MECOM: variants seen among roughly 807,000 people sequenced by gnomAD.
MECOM encodes the protein MDS1 and EVI1 complex locus, also known as histone-lysine N-methyltransferase MECOM.
A neutral mutation model predicts 116.3 loss-of-function variants in MECOM; 13 were observed. The observed-to-expected ratio is 0.11, with a 90% CI of 0.07 to 0.18. The LOEUF is 0.18. Ranked by LOEUF, MECOM falls within the 10% of genes least tolerant of loss-of-function variation. The pLI is 1.00. For missense variants in MECOM, 1,299 were observed against 1,509.0 expected, an observed-to-expected ratio of 0.86 and a Z score of 2.31; for synonymous variants, 528 against 535.2, an observed-to-expected ratio of 0.99 and a Z score of 0.19.
intron 2 of MECOM, among the ~76,000 whole-genome samples, chr3:169,290,119 A>G (rs752578874): frequency 3.3e-5 from 5 of 152,174 alleles, no homozygotes; most frequent in African/African-American, 4.8e-5. Flanking sequence ...GAGAGAATAG[A>G]TGCTTTAATA....
intron 2 of MECOM, among the ~76,000 whole-genome samples, chr3:169,165,423 T>C (rs1037311648): frequency 6.6e-6 from 1 of 152,148 alleles, no homozygotes; most frequent in Non-Finnish European, 1.5e-5. Context: ...GTCTATGTTT[T>C]TCATCACTAG....
intron 2 of MECOM, among the ~76,000 whole-genome samples, chr3:169,153,893 C>T (rs55692737): frequency 0.07 from 10,701 of 152,158 alleles, 483 homozygotes; most frequent in South Asian, 0.19. Context: ...GTTTGTGTAA[C>T]GGGTTACAGT....
chr3:169,099,129 AACC>A (rs1440978487), intron 12 of MECOM, among the ~76,000 whole-genome samples: 3 of 85,412 alleles, frequency 3.5e-5, no homozygotes, highest in Non-Finnish European at 5.7e-5. Flanking sequence ...AAAAAAAAAA[AACC>A]CAGAGGGGCT....
chr3:169,429,783 A>AATG (rs1313939657), intron 1 of MECOM, among the ~76,000 whole-genome samples: 1 of 152,154 alleles, frequency 6.6e-6, no homozygotes, highest in Non-Finnish European at 1.5e-5. Context: ...AAATAGAGTC[A>AATG]ATGATATTAC....
chr3:169,097,878 T>C (rs1444031510), intron 12 of MECOM, among the ~76,000 whole-genome samples: 1 of 148,090 alleles, frequency 6.8e-6, no homozygotes, highest in African/African-American at 2.5e-5. Context: ...GGTCTACTGG[T>C]ATTTATCTTT....
chr3:169,503,184 C>T (rs553404200), intron 1 of MECOM, among the ~76,000 whole-genome samples: 2 of 152,192 alleles, frequency 1.3e-5, no homozygotes, highest in South Asian at 2.1e-4. Flanking sequence ...AACCAAAAAA[C>T]GATTAAAACT....
chr3:169,146,424 A>G, intron 2 of MECOM: 2 of 1,391,884 alleles, frequency 1.4e-6, no homozygotes, highest in African/African-American at 2.9e-5. Context: ...AGGGAGGGGA[A>G]GGAGGAGAAG....
At chr3:169,220,926 A>G (rs1560010410) in intron 2 of MECOM, among the ~76,000 whole-genome samples, 2 of 152,226 alleles carry the variant, frequency 1.3e-5, no homozygotes, top group Non-Finnish European at 2.9e-5. Flanking sequence ...CTTAAAAATC[A>G]TTTGCTAAAT....
At chr3:169,485,261 C>T (rs1203086509) in intron 1 of MECOM, among the ~76,000 whole-genome samples, 1 of 152,234 alleles carries the variant, frequency 6.6e-6, no homozygotes, top group African/African-American at 2.4e-5. Flanking sequence ...TCCCAAAGTG[C>T]TAGGATTACA....
At chr3:169,364,922 A>G (rs1391293048) in intron 2 of MECOM, among the ~76,000 whole-genome samples, 1 of 152,080 alleles carries the variant, frequency 6.6e-6, no homozygotes, top group East Asian at 1.9e-4. Flanking sequence ...CCTGGCTTGC[A>G]TAATGTGTCA....
At chr3:169,264,538 C>T (rs1758023622) in intron 2 of MECOM, among the ~76,000 whole-genome samples, 1 of 151,996 alleles carries the variant, frequency 6.6e-6, no homozygotes, top group South Asian at 2.1e-4. Flanking sequence ...CCATATGGAG[C>T]CACAGAATGC....
chr3:169,601,774 CACA>C (rs1391358838), intron 1 of MECOM, among the ~76,000 whole-genome samples: 5 of 152,152 alleles, frequency 3.3e-5, no homozygotes, highest in Non-Finnish European at 5.9e-5. Context: ...ATGCAAAAGA[CACA>C]AGTAACACTG....
intron 1 of MECOM, among the ~76,000 whole-genome samples, chr3:169,621,833 G>T (rs935153192): frequency 1.3e-5 from 2 of 152,100 alleles, no homozygotes; most frequent in Non-Finnish European, 2.9e-5. Flanking sequence ...TCAATAAATA[G>T]GTGCCCAGAA....
chr3:169,542,108 A>T lies in MECOM; in HGVS notation c.37+121228T>A, dbSNP rs191701895. On this transcript the variant is annotated intron_variant, in intron 1 of 16. Transcript: ENST00000651503. Reference sequence around the variant, plus strand: ...CATTGTAAAGAAATCCCCACCAGAGACCTCTGAAATCTTACATTGATTGAG... The same window carrying T: ...CATTGTAAAGAAATCCCCACCAGAGTCCTCTGAAATCTTACATTGATTGAG... 3.1e-4 allele frequency among the ~76,000 whole-genome samples: 47 copies of T among 152,304 alleles called. 1 individual carries two copies. The highest frequency in any genetic ancestry group is 6.8e-3 in the Middle Eastern group (2 of 294).
chr3:169,458,915 G>A (rs948308943), intron 1 of MECOM, among the ~76,000 whole-genome samples: 1 of 152,178 alleles, frequency 6.6e-6, no homozygotes, highest in Non-Finnish European at 1.5e-5. Flanking sequence ...AGTTTAATAT[G>A]ATGAATCATG....
chr3:169,468,921 A>G (rs939186750), intron 1 of MECOM, among the ~76,000 whole-genome samples: 13 of 152,338 alleles, frequency 8.5e-5, no homozygotes, highest in Admixed American at 2.0e-4. Context: ...GCAGACCTTC[A>G]TAATTCCATT....
intron 1 of MECOM, among the ~76,000 whole-genome samples, chr3:169,432,052 T>C (rs1291647362): frequency 6.6e-6 from 1 of 152,060 alleles, no homozygotes. Context: ...ACAAACTGAC[T>C]GTAGGCCAGA....
chr3:169,493,718 C>T (rs866041901), intron 1 of MECOM, among the ~76,000 whole-genome samples: 3 of 152,076 alleles, frequency 2.0e-5, no homozygotes, highest in Non-Finnish European at 4.4e-5. Context: ...AGCCCTGACA[C>T]TTTATGAATA....
chr3:169,281,306 C>A (rs1483575567), intron 2 of MECOM, among the ~76,000 whole-genome samples: 2 of 152,132 alleles, frequency 1.3e-5, no homozygotes, highest in African/African-American at 4.8e-5. Flanking sequence ...TAGCGGGACC[C>A]TGGTTAAGTC....
Sources: allele counts gnomAD v4.1 joint callset (sites outside exome capture counted in the v4.1 genomes callset), GRCh38; gene constraint gnomAD v4.1.1; transcripts MANE v1.5; gene names NCBI Gene and HGNC (gene_info 2026-07-23, HGNC 2026-07-21).